CFAP20DC: variants seen among roughly 807,000 people sequenced by gnomAD.
CFAP20DC encodes protein CFAP20DC.
In CFAP20DC, 84 loss-of-function variants were observed where a neutral mutation model predicts 101.7. The observed-to-expected ratio is 0.83, with a 90% confidence interval of 0.69 to 0.99. The LOEUF is 0.99. Ranked by LOEUF, CFAP20DC falls within the 50% of genes least tolerant of loss-of-function variation. CFAP20DC has a pLI of 0.00. For missense variants in CFAP20DC, 1,007 were observed against 970.3 expected (o/e 1.04, Z -0.50); for synonymous variants, 359 against 351.2 (o/e 1.02, Z -0.25).
intron 6 of CFAP20DC, among the ~76,000 whole-genome samples, chr3:58,901,474 A>G (rs1263786202): frequency 6.6e-6 from 1 of 152,194 alleles, no homozygotes; most frequent in Non-Finnish European, 1.5e-5. Flanking sequence ...CACAAAAATA[A>G]TACTTACCTC....
intron 15 of CFAP20DC, among the ~76,000 whole-genome samples, chr3:58,806,151 T>A (rs1427115330): frequency 2.0e-5 from 3 of 152,220 alleles, no homozygotes; most frequent in African/African-American, 4.8e-5. Context: ...TATGCCTGAA[T>A]TACATGGAGT....
At chr3:58,906,757 C>T (rs1390791425) in intron 6 of CFAP20DC, among the ~76,000 whole-genome samples, 1 of 151,924 alleles carries the variant, frequency 6.6e-6, no homozygotes, top group Non-Finnish European at 1.5e-5. Context: ...TGATGCCCTG[C>T]CTCTACTCAA....
chr3:58,962,628 T>C (rs1484029987), intron 4 of CFAP20DC, among the ~76,000 whole-genome samples: 1 of 152,200 alleles, frequency 6.6e-6, no homozygotes, highest in African/African-American at 2.4e-5. Context: ...TCAAACACTT[T>C]GTACTAGTAA....
chr3:58,757,953 A>G (rs1387434864), intron 15 of CFAP20DC, among the ~76,000 whole-genome samples: 1 of 152,158 alleles, frequency 6.6e-6, no homozygotes, highest in Non-Finnish European at 1.5e-5. Context: ...GCTAAACAAA[A>G]TCAACCAGGA....
chr3:58,980,693 A>C (rs2092497828), intron 4 of CFAP20DC, among the ~76,000 whole-genome samples: 2 of 152,218 alleles, frequency 1.3e-5, no homozygotes, highest in South Asian at 4.1e-4. Flanking sequence ...TTAGGTATTG[A>C]TGGGATGTAT....
At chr3:59,034,406 G>A (rs1482620461) in intron 4 of CFAP20DC, among the ~76,000 whole-genome samples, 1 of 152,168 alleles carries the variant, frequency 6.6e-6, no homozygotes, top group Non-Finnish European at 1.5e-5. Flanking sequence ...TGGCAAATTG[G>A]ATGAAGAGTC....
chr3:58,997,831 C>T (rs1379195937), intron 4 of CFAP20DC, among the ~76,000 whole-genome samples: 1 of 152,170 alleles, frequency 6.6e-6, no homozygotes, highest in African/African-American at 2.4e-5. Flanking sequence ...AAATAAGTAA[C>T]TCTCGATAGC....
chr3:58,870,769 T>G (rs866546265), intron 7 of CFAP20DC, among the ~76,000 whole-genome samples: 62 of 147,712 alleles, frequency 4.2e-4, no homozygotes, highest in African/African-American at 1.3e-3. Flanking sequence ...GCGCCTGTAG[T>G]CCCAGCTACT....
At chr3:59,042,899 G>T (rs1699520309) in intron 3 of CFAP20DC, among the ~76,000 whole-genome samples, 1 of 152,106 alleles carries the variant, frequency 6.6e-6, no homozygotes, top group South Asian at 2.1e-4. Context: ...TAGACTGAAT[G>T]AAGAGAAAGA....
chr3:58,931,609 G>A (rs960091734), intron 5 of CFAP20DC, among the ~76,000 whole-genome samples: 3 of 152,174 alleles, frequency 2.0e-5, no homozygotes, highest in Non-Finnish European at 2.9e-5. Context: ...CAGCATTCGC[G>A]GTTCATGAAA....
intron 4 of CFAP20DC, among the ~76,000 whole-genome samples, chr3:58,979,243 C>T (rs768671706): frequency 2.0e-5 from 3 of 152,204 alleles, no homozygotes; most frequent in Non-Finnish European, 4.4e-5. Context: ...GGTTCTTCCA[C>T]CCATTAGCCT....
chr3:58,983,752 G>A (rs969811986), intron 4 of CFAP20DC, among the ~76,000 whole-genome samples: 5 of 152,182 alleles, frequency 3.3e-5, no homozygotes, highest in East Asian at 1.9e-4. Flanking sequence ...ATGCTTTATG[G>A]ATGTTGTTTA....
chr3:58,932,314 G>A (rs926250814), intron 5 of CFAP20DC, among the ~76,000 whole-genome samples: 22 of 152,230 alleles, frequency 1.4e-4, no homozygotes, highest in Admixed American at 1.3e-3. Context: ...ACCTGAAAGT[G>A]ATGGGGAGAA....
chr3:58,808,916 T>C (rs2074357947), intron 14 of CFAP20DC, among the ~76,000 whole-genome samples: 1 of 152,090 alleles, frequency 6.6e-6, no homozygotes, highest in Non-Finnish European at 1.5e-5. Context: ...GTTGCAATCC[T>C]AGTCTCTGAC....
At position 58,742,396 on chromosome 3, in the gene CFAP20DC, A is replaced by G. The variant is rs914259431; in HGVS notation, c.*64T>C. On this transcript the variant is annotated 3_prime_UTR_variant, in exon 17 of 17. Coordinates refer to ENST00000482387, the MANE Select transcript of CFAP20DC (RefSeq NM_001394063.1). ...ACACATAAGTTGTGGTGACTCCTTAAGCGACCCTGAACTGCTATTCTGCTC... is the reference window on the plus strand; with the variant it reads ...ACACATAAGTTGTGGTGACTCCTTAGGCGACCCTGAACTGCTATTCTGCTC... 17 of 1,444,396 alleles carry G rather than the reference A, an allele frequency of 1.2e-5. No individual in the cohort carries two copies. The African/African-American group carries it at 2.1e-4, about 18-fold the overall frequency. 89.5% of individuals were successfully genotyped at this position (1,444,396 alleles called of 1,614,324 possible).
At chr3:59,003,172 G>A (rs191284594) in intron 4 of CFAP20DC, among the ~76,000 whole-genome samples, 10 of 152,104 alleles carry the variant, frequency 6.6e-5, no homozygotes, top group Non-Finnish European at 2.9e-5. Context: ...TCTGAAGGTA[G>A]ATATTTGTTT....
At chr3:59,032,587 T>G (rs938917525) in intron 4 of CFAP20DC, among the ~76,000 whole-genome samples, 10 of 152,182 alleles carry the variant, frequency 6.6e-5, no homozygotes, top group African/African-American at 2.4e-4. Context: ...ACCTGGAAAT[T>G]CGAACTAGGC....
rs188754961 is a variant in CFAP20DC at position 58,949,749 on chromosome 3, T to C, written c.279-11987A>G. ...ATGCTAAAAACTCTCAATAAAAAAT[T>C]AGGTTTTGATGGGATGTATCTCAAA... is the stretch of plus-strand genomic sequence containing the variant. On this transcript the variant is annotated intron_variant, in intron 4 of 16. Transcript: ENST00000482387. Among the ~76,000 whole-genome samples, 282 of 152,290 alleles carry C rather than the reference T, an allele frequency of 1.9e-3. 6 individuals are homozygous for C. Among genetic ancestry groups the C allele is most frequent in the Non-Finnish European group, 4.1e-4 (28 of 68,032 alleles).
intron 5 of CFAP20DC, among the ~76,000 whole-genome samples, chr3:58,917,724 T>C (rs974335376): frequency 1.2e-4 from 18 of 152,212 alleles, no homozygotes; most frequent in African/African-American, 4.1e-4. Context: ...TAATAAGTGG[T>C]ATAAGCAGAG....
Sources: allele counts gnomAD v4.1 joint callset (sites outside exome capture counted in the v4.1 genomes callset), GRCh38; gene constraint gnomAD v4.1.1; transcripts MANE v1.5; gene names NCBI Gene and HGNC (gene_info 2026-07-23, HGNC 2026-07-21).